C1orf174: variants seen among roughly 807,000 people sequenced by gnomAD.
The protein encoded by C1orf174 is UPF0688 protein C1orf174.
In C1orf174, 13 loss-of-function variants were observed where a neutral mutation model predicts 18.4. The observed-to-expected ratio is 0.71, with a 90% confidence interval of 0.46 to 1.12. The LOEUF is 1.12. Among genes scored for constraint, C1orf174 ranks in the 50% most tolerant of loss-of-function variants. The pLI is 0.00. For synonymous variants in C1orf174, 100 were observed against 118.3 expected, an observed-to-expected ratio of 0.85 and a Z score of 1.01; for missense variants, 309 against 308.0, an observed-to-expected ratio of 1.00 and a Z score of -0.02.
Position 3,900,117 on chromosome 1 carries a change from T to G in C1orf174, c.15+55A>C, listed in dbSNP as rs573488290. 29 of 1,557,082 alleles carry G rather than the reference T, an allele frequency of 1.9e-5. No individual in the cohort carries two copies. In the South Asian group the frequency reaches 3.3e-4, roughly 18 times the overall value. On this transcript the variant is annotated intron_variant, in intron 1 of 3. Coordinates refer to ENST00000361605, the MANE Select transcript of C1orf174 (RefSeq NM_207356.3). Reference sequence around the variant, plus strand: ...CCGCCCCGGTTCTCCAGACAGCAGGTGACCCAGAGTCCCCGCCCTGCCCGG... The same window carrying G: ...CCGCCCCGGTTCTCCAGACAGCAGGGGACCCAGAGTCCCCGCCCTGCCCGG...
intron 3 of C1orf174, 32 bp from the exon 4 acceptor site, chr1:3,890,105 T>C (rs1228025739): frequency 1.3e-6 from 2 of 1,556,196 alleles, no homozygotes; most frequent in Non-Finnish European, 1.8e-6. Flanking sequence ...ACTTCAGTCA[T>C]GAGCAATACA....
In C1orf174 at chr1:3,890,521, G is replaced by A. The variant is rs115352730; in HGVS notation, c.618+48C>T. On this transcript the variant is annotated intron_variant, in intron 3 of 3. Coordinates refer to ENST00000361605, the MANE Select transcript of C1orf174 (RefSeq NM_207356.3). ...AGTGGGGAGTGTGTGACCTGAATGT[G>A]CAGCTGCTGCCTGAGTACCCACGGG... The A allele has an allele frequency of 3.0e-4, 484 of 1,601,180 alleles. 2 individuals are homozygous for A. The African/African-American group carries it at 5.4e-3, about 18-fold the overall frequency.
In C1orf174 at chr1:3,892,964, C is replaced by T. The variant is rs35157037; in HGVS notation, c.48G>A (p.Leu16=). 7.3e-3 allele frequency: 11,762 copies of T among 1,614,106 alleles called. 266 individuals are homozygous for T. Among genetic ancestry groups the T allele is most frequent in the African/African-American group, 0.052 (3,884 of 75,022 alleles). The part of the protein sequence containing the change: ...LTGAVRSSAR[L]KARSCSAARL... ...TGGCTGCCGAACAACTTCGTGCTTTCAAGCGCGCTGAAGACCGCACTGCAC... is the reference window on the plus strand; with the variant it reads ...TGGCTGCCGAACAACTTCGTGCTTTTAAGCGCGCTGAAGACCGCACTGCAC... The change falls in exon 2 of 4, where the codon TTG becomes TTA. Residue 16 remains leucine, a synonymous_variant. Coordinates refer to ENST00000361605, the MANE Select transcript of C1orf174 (RefSeq NM_207356.3).
chr1:3,890,975 A>C lies in C1orf174; in HGVS notation c.212T>G (p.Leu71Ter). 3 of 1,614,220 alleles carry C rather than the reference A, an allele frequency of 1.9e-6. No homozygotes were observed. The highest frequency in any genetic ancestry group is 2.5e-6 in the Non-Finnish European group (3 of 1,180,036). Residue 71 changes from leucine (L) to a stop codon, truncating the protein, a stop_gained, in exon 3 of 4, where the codon TTA becomes TGA. Coordinates refer to ENST00000361605, the MANE Select transcript of C1orf174 (RefSeq NM_207356.3). LOFTEE classifies it high-confidence loss of function. ...GTCATTCTTAGGGACAAGCTTCTGT[A>C]ATTCTGACTTCACAAGATGTCCTTT... ...CDKGHLVKSE[L>*]QKLVPKNDSA...
Position 3,889,998 on chromosome 1 carries a change from CTTT to C in C1orf174, c.691_693del (p.Lys231del). The stretch of plus-strand genomic sequence containing the variant: ...TCATCGTCGTCGTCATCATCATCAT[CTTT>C]GGCTCTGAAATGCATTTTTCTGAAC... On this transcript the variant is annotated inframe_deletion, in exon 4 of 4. Transcript: ENST00000361605. 6.2e-7 allele frequency: 1 copy of C among 1,614,210 alleles called. No homozygotes were observed. Among genetic ancestry groups the C allele is most frequent in the Non-Finnish European group, 8.5e-7 (1 of 1,180,046 alleles).
intron 1 of C1orf174, among the ~76,000 whole-genome samples, chr1:3,894,326 G>A (rs987754723): frequency 2.6e-5 from 4 of 152,078 alleles, no homozygotes; most frequent in African/African-American, 9.7e-5. Context: ...AATCTGTCTC[G>A]GCTGGGCGCG....
intron 1 of C1orf174, among the ~76,000 whole-genome samples, chr1:3,894,387 C>G (rs984708277): frequency 1.3e-5 from 2 of 152,008 alleles, no homozygotes; most frequent in Non-Finnish European, 1.5e-5. Flanking sequence ...GCAGGTGGAT[C>G]ACAAGGTCAG....
At position 3,890,052 on chromosome 1, in the gene C1orf174, A is replaced by G; in HGVS notation, c.640T>C (p.Ser214Pro). 6.2e-7 allele frequency: 1 copy of G among 1,614,156 alleles called. No individual in the cohort carries two copies. The highest frequency in any genetic ancestry group is 8.5e-7 in the Non-Finnish European group (1 of 1,179,996). Residue 214 changes from serine to proline, a missense_variant, in exon 4 of 4, where the codon TCT becomes CCT. Physicochemically the swap from Ser to Pro is moderately conservative, Grantham distance 74. Transcript: ENST00000361605. Reference sequence around the variant, plus strand: ...TCTCGTCTGCTCATTGAAGGACAAGATGAAGACGCAGGTGGGAGGTCCTTA... The same window carrying G: ...TCTCGTCTGCTCATTGAAGGACAAGGTGAAGACGCAGGTGGGAGGTCCTTA... Reference protein sequence around the residue: ...LMQDLPPASSSCPSMSRREFR... With the variant: ...LMQDLPPASSPCPSMSRREFR...
intron 1 of C1orf174, among the ~76,000 whole-genome samples, chr1:3,894,238 C>T (rs553742525): frequency 1.2e-4 from 18 of 151,458 alleles, no homozygotes; most frequent in Admixed American, 3.3e-4. Flanking sequence ...CAGAAGGGGA[C>T]GGATGAAGAG....
rs923347066 is a variant in C1orf174 at position 3,890,749 on chromosome 1, G to A, written c.438C>T (p.Ala146=). The A allele has an allele frequency of 4.3e-6, 7 of 1,614,016 alleles. No individual in the cohort carries two copies. The highest frequency in any genetic ancestry group is 2.2e-5 in the South Asian group (2 of 91,066). ...TGTTGGATTCTTCTGCTCCGGACCC[G>A]GCACTGTGTTTTGGCACGGACAGGC... ...RDGLSVPKHS[A]GSGAEESNSS... is the part of the protein sequence containing the mutation. The change falls in exon 3 of 4, where the codon GCC becomes GCT. Residue 146 remains alanine (A), a synonymous_variant. Transcript: ENST00000361605.
chr1:3,899,735 G>A (rs1359701631), intron 1 of C1orf174, among the ~76,000 whole-genome samples: 1 of 152,178 alleles, frequency 6.6e-6, no homozygotes, highest in Non-Finnish European at 1.5e-5. Flanking sequence ...CCCTTCAAGG[G>A]GGCGTGACCT....
chr1:3,891,651 G>A (rs1292731962), intron 2 of C1orf174: 9 of 985,916 alleles, frequency 9.1e-6, no homozygotes, highest in Non-Finnish European at 1.1e-5. Context: ...CTCGCTCCTC[G>A]GAATCGATGG....
intron 1 of C1orf174, among the ~76,000 whole-genome samples, chr1:3,895,143 G>T (rs1356137512): frequency 6.6e-6 from 1 of 152,232 alleles, no homozygotes; most frequent in Non-Finnish European, 1.5e-5. Context: ...CTCTGTGCTG[G>T]AGTATGCTGT....
intron 2 of C1orf174, chr1:3,891,575 GC>G: frequency 1.0e-6 from 1 of 987,380 alleles, no homozygotes; most frequent in Non-Finnish European, 1.2e-6. Flanking sequence ...CTGGCATATG[GC>G]CAAGTCCTAA....
intron 1 of C1orf174, among the ~76,000 whole-genome samples, chr1:3,899,754 CCT>C (rs1028863468): frequency 3.3e-5 from 5 of 151,664 alleles, no homozygotes; most frequent in African/African-American, 7.3e-5. Context: ...CTGGGAGCCC[CCT>C]GTTGCCCAGG....
chr1:3,893,084 A>G (rs560803110), intron 1 of C1orf174, 88 bp from the exon 2 acceptor site: 15 of 1,401,530 alleles, frequency 1.1e-5, no homozygotes, highest in Non-Finnish European at 1.5e-5. Context: ...AGAACACCCG[A>G]AGACCGCCCC....
At chr1:3,898,224 A>G (rs937929547) in intron 1 of C1orf174, among the ~76,000 whole-genome samples, 23 of 152,066 alleles carry the variant, frequency 1.5e-4, no homozygotes, top group Admixed American at 1.0e-3. Context: ...CTATACTTCA[A>G]AAATGGGCTG....
chr1:3,899,864 G>A (rs1638675703), intron 1 of C1orf174, among the ~76,000 whole-genome samples: 1 of 151,340 alleles, frequency 6.6e-6, no homozygotes, highest in Non-Finnish European at 1.5e-5. Context: ...CGGGGGTGTG[G>A]CCCAGAGGCC....
chr1:3,900,220 C>G lies in C1orf174; in HGVS notation c.-34G>C, dbSNP rs1242635215. 1 of 1,560,878 alleles carries G rather than the reference C, an allele frequency of 6.4e-7. No individual in the cohort carries two copies. Among genetic ancestry groups the G allele is most frequent in the Non-Finnish European group, 8.6e-7 (1 of 1,165,014 alleles). On this transcript the variant is annotated 5_prime_UTR_variant, in exon 1 of 4. Coordinates refer to ENST00000361605, the MANE Select transcript of C1orf174 (RefSeq NM_207356.3). ...GCACCGCAGCCAAGCACCGCGCGCC[C>G]CGGCCAACGCGTCCCGGCGGAGCGG...
Sources: gnomAD v4.1 joint callset for allele counts (sites outside exome capture counted in the v4.1 genomes callset) on GRCh38, gnomAD v4.1.1 for gene constraint, MANE v1.5 for transcripts, NCBI Gene and HGNC (gene_info 2026-07-23, HGNC 2026-07-21) for gene names.